Variants in SRD5A1 observed in about 807,000 individuals in gnomAD.
The protein encoded by SRD5A1 is 3-oxo-5-alpha-steroid 4-dehydrogenase 1.
SRD5A1 carries 22 observed loss-of-function variants against 28.2 expected under a neutral mutation model. The ratio of observed to expected loss-of-function variants is 0.78; its 90% confidence interval spans 0.56 to 1.12. The LOEUF is 1.12. SRD5A1 is among the 50% of genes most tolerant of loss of function. The pLI is 0.00. For synonymous variants in SRD5A1, 151 were observed against 135.0 expected, an observed-to-expected ratio of 1.12 and a Z score of -0.82; for missense variants, 300 against 346.7, an observed-to-expected ratio of 0.87 and a Z score of 1.07.
Position 6,633,888 on chromosome 5 carries a change from G to C in SRD5A1, c.293+19G>C. The C allele has an allele frequency of 1.3e-6, 2 of 1,595,928 alleles. No individual in the cohort carries two copies. The highest frequency in any genetic ancestry group is 1.7e-6 in the Non-Finnish European group (2 of 1,178,730). ...GGCATCGGTAACGTCCCCGGCCCCC[G>C]GCCCCCTACCCTACTCCCGGCCCGG... On this transcript the variant is annotated intron_variant, in intron 1 of 4. Transcript: ENST00000274192.
intron 3 of SRD5A1, among the ~76,000 whole-genome samples, chr5:6,659,345 C>T (rs1171576099): frequency 6.6e-6 from 1 of 151,976 alleles, no homozygotes; most frequent in African/African-American, 2.4e-5. Context: ...GATCTCCTGA[C>T]CTCGTGATCC....
chr5:6,647,494 C>G (rs1262345007), intron 1 of SRD5A1, among the ~76,000 whole-genome samples: 2 of 152,116 alleles, frequency 1.3e-5, no homozygotes, highest in African/African-American at 4.8e-5. Context: ...GGATAGTTAC[C>G]TCTGCTTGTT....
chr5:6,661,530 CTTTTTTTT>C (rs11402128), intron 3 of SRD5A1, among the ~76,000 whole-genome samples: 2 of 118,276 alleles, frequency 1.7e-5, no homozygotes, highest in South Asian at 2.8e-4. Context: ...ATAGGTTTGT[CTTTTTTTT>C]TTTTTTTTTT....
chr5:6,636,338 G>A (rs1479611215), intron 1 of SRD5A1, among the ~76,000 whole-genome samples: 3 of 152,120 alleles, frequency 2.0e-5, no homozygotes, highest in Non-Finnish European at 2.9e-5. Flanking sequence ...GCAGAGAACG[G>A]AGAACACCAC....
At chr5:6,634,824 C>T (rs1304211053) in intron 1 of SRD5A1, among the ~76,000 whole-genome samples, 2 of 152,218 alleles carry the variant, frequency 1.3e-5, no homozygotes, top group Non-Finnish European at 2.9e-5. Context: ...CAGGTCGTAT[C>T]TTTTGGCTTT....
chr5:6,665,031 C>T (rs1226220301), intron 4 of SRD5A1, among the ~76,000 whole-genome samples: 1 of 152,266 alleles, frequency 6.6e-6, no homozygotes, highest in African/African-American at 2.4e-5. Flanking sequence ...TATGAGAGTC[C>T]TAAGCCCTGG....
chr5:6,656,597 A>G (rs1387099936), intron 3 of SRD5A1, among the ~76,000 whole-genome samples: 2 of 152,238 alleles, frequency 1.3e-5, no homozygotes, highest in Non-Finnish European at 2.9e-5. Context: ...TAATCATCAG[A>G]GGACAAGATC....
chr5:6,633,453 T>C lies in SRD5A1; in HGVS notation c.-124T>C. ...TGACTTGAGAACCCTTTCTGCAGAG[T>C]CCCGGCAGTGCGGGACTCCGGTAGC... On this transcript the variant is annotated 5_prime_UTR_variant, in exon 1 of 5. Coordinates refer to ENST00000274192, the MANE Select transcript of SRD5A1 (RefSeq NM_001047.4). 1 of 1,139,306 alleles carries C rather than the reference T, an allele frequency of 8.8e-7. No individual in the cohort carries two copies. The highest frequency in any genetic ancestry group is 1.2e-6 in the Non-Finnish European group (1 of 856,622). The allele number at this position is 1,139,306 out of a possible 1,614,324, so 70.6% of individuals were successfully genotyped here.
At chr5:6,662,087 G>C (rs1328780949) in intron 3 of SRD5A1, among the ~76,000 whole-genome samples, 3 of 152,072 alleles carry the variant, frequency 2.0e-5, no homozygotes. Context: ...GTCTGCCTCA[G>C]GGCCTTTGCT....
intron 1 of SRD5A1, among the ~76,000 whole-genome samples, chr5:6,648,528 T>A (rs1411029172): frequency 6.6e-6 from 1 of 152,252 alleles, no homozygotes; most frequent in Non-Finnish European, 1.5e-5. Flanking sequence ...CAATGACTGA[T>A]ATCCTTTTGC....
At chr5:6,638,276 G>T (rs1579393613) in intron 1 of SRD5A1, among the ~76,000 whole-genome samples, 2 of 152,330 alleles carry the variant, frequency 1.3e-5, no homozygotes, top group East Asian at 3.9e-4. Flanking sequence ...AGGTGGAGGT[G>T]CAGTCCAGCC....
intron 3 of SRD5A1, among the ~76,000 whole-genome samples, chr5:6,658,957 T>G (rs928142842): frequency 6.6e-6 from 1 of 151,104 alleles, no homozygotes; most frequent in African/African-American, 2.4e-5. Context: ...CACAAAAAAA[T>G]TGAAAGAAAA....
intron 4 of SRD5A1, among the ~76,000 whole-genome samples, chr5:6,663,943 G>A (rs1048665217): frequency 2.6e-5 from 4 of 152,146 alleles, no homozygotes; most frequent in African/African-American, 9.7e-5. Flanking sequence ...TCCAATGGAT[G>A]AGGAAACTGA....
chr5:6,661,714 G>T (rs1436951198), intron 3 of SRD5A1, among the ~76,000 whole-genome samples: 1 of 151,924 alleles, frequency 6.6e-6, no homozygotes, highest in Non-Finnish European at 1.5e-5. Flanking sequence ...TGTATTTTCA[G>T]TATAGACAAG....
chr5:6,642,034 G>A (rs1204394786), intron 1 of SRD5A1, among the ~76,000 whole-genome samples: 1 of 152,202 alleles, frequency 6.6e-6, no homozygotes, highest in African/African-American at 2.4e-5. Context: ...TTTACGATGA[G>A]AGAAAACACA....
At chr5:6,656,879 C>T (rs976770651) in intron 3 of SRD5A1, among the ~76,000 whole-genome samples, 5 of 152,068 alleles carry the variant, frequency 3.3e-5, no homozygotes, top group African/African-American at 1.2e-4. Context: ...ACAGAACCCA[C>T]AAGGAAGTAC....
In SRD5A1 at chr5:6,670,845, AT is replaced by A. The variant is rs1345387782; in HGVS notation, c.*2579del. ...AACCAGATCATTGCAAATACTGCTA[AT>A]TGATTCCTTTTTATGGCTGAGTAGT... On this transcript the variant is annotated 3_prime_UTR_variant, in exon 5 of 5. Transcript: ENST00000274192. 1.3e-5 allele frequency: 2 copies of A among 152,214 alleles called. No homozygotes were observed. The highest frequency in any genetic ancestry group is 4.8e-5 in the African/African-American group (2 of 41,464). 9.4% of individuals were successfully genotyped at this position (152,214 alleles called of 1,614,324 possible).
chr5:6,665,168 G>A (rs1261612772), intron 4 of SRD5A1, among the ~76,000 whole-genome samples: 2 of 152,248 alleles, frequency 1.3e-5, no homozygotes, highest in African/African-American at 2.4e-5. Flanking sequence ...AGAGGCGGGG[G>A]CGATGCAGCC....
intron 2 of SRD5A1, among the ~76,000 whole-genome samples, chr5:6,655,864 A>C (rs1280864441): frequency 6.6e-6 from 1 of 152,234 alleles, no homozygotes; most frequent in Non-Finnish European, 1.5e-5. Context: ...TTTTGAGTAC[A>C]TTAGATGATG....
Sources: allele counts gnomAD v4.1 joint callset (sites outside exome capture counted in the v4.1 genomes callset), GRCh38; gene constraint gnomAD v4.1.1; transcripts MANE v1.5; gene names NCBI Gene and HGNC (gene_info 2026-07-23, HGNC 2026-07-21).